CMSS1: variants seen among roughly 807,000 people sequenced by gnomAD.
CMSS1 encodes cms1 ribosomal small subunit homolog.
CMSS1 carries 33 observed loss-of-function variants against 43.5 expected under a neutral mutation model. The ratio of observed to expected loss-of-function variants is 0.76; its 90% CI spans 0.57 to 1.01. The LOEUF (loss-of-function observed/expected upper bound fraction) is 1.01. CMSS1 is among the 50% of genes least tolerant of loss of function. CMSS1 has a pLI of 0.00. For synonymous variants in CMSS1, 115 were observed against 117.2 expected (o/e 0.98, Z 0.12); for missense variants, 313 against 326.4 (o/e 0.96, Z 0.32).
chr3:100,066,678 C>T (rs2065670764), intron 1 of CMSS1, among the ~76,000 whole-genome samples: 1 of 131,346 alleles, frequency 7.6e-6, no homozygotes, highest in South Asian at 2.7e-4. Context: ...ACTACAGGCG[C>T]CCGCCACTAC....
intron 1 of CMSS1, among the ~76,000 whole-genome samples, chr3:99,959,570 T>C (rs1708433654): frequency 6.6e-6 from 1 of 152,246 alleles, no homozygotes; most frequent in Non-Finnish European, 1.5e-5. Context: ...TTTCTGAGCC[T>C]TAGTTTTCCA....
At chr3:99,879,243 A>G (rs752376213) in intron 1 of CMSS1, among the ~76,000 whole-genome samples, 18 of 152,180 alleles carry the variant, frequency 1.2e-4, no homozygotes, top group Non-Finnish European at 2.4e-4. Context: ...AGGGGTTTGT[A>G]GGTAACAAGG....
intron 1 of CMSS1, among the ~76,000 whole-genome samples, chr3:100,108,774 G>A (rs2066435875): frequency 6.6e-6 from 1 of 152,086 alleles, no homozygotes; most frequent in Admixed American, 6.6e-5. Context: ...ACATGGCTTG[G>A]GTCTTCTTTT....
chr3:100,125,990 C>T (rs1346255627), intron 1 of CMSS1, among the ~76,000 whole-genome samples: 1 of 152,050 alleles, frequency 6.6e-6, no homozygotes, highest in Non-Finnish European at 1.5e-5. Flanking sequence ...TAATATTTGC[C>T]ACCAAGTTAA....
intron 2 of CMSS1, among the ~76,000 whole-genome samples, chr3:100,156,343 C>T (rs909993274): frequency 8.7e-6 from 1 of 114,554 alleles, no homozygotes; most frequent in African/African-American, 3.4e-5. Context: ...GAGTTCGGCT[C>T]TGTCACCCAG....
intron 1 of CMSS1, among the ~76,000 whole-genome samples, chr3:100,145,951 G>C (rs1336770966): frequency 1.3e-5 from 2 of 152,202 alleles, no homozygotes; most frequent in African/African-American, 4.8e-5. Flanking sequence ...ACATAAGATT[G>C]ACCATCACAG....
intron 1 of CMSS1, among the ~76,000 whole-genome samples, chr3:99,947,137 CAAAAA>C (rs397829321): frequency 2.3e-5 from 2 of 88,806 alleles, no homozygotes; most frequent in South Asian, 4.5e-4. Flanking sequence ...GACTCTGTCT[CAAAAA>C]AAAAAAAAAA....
At chr3:99,943,420 C>T (rs1175439203) in intron 1 of CMSS1, among the ~76,000 whole-genome samples, 1 of 152,086 alleles carries the variant, frequency 6.6e-6, no homozygotes, top group East Asian at 1.9e-4. Flanking sequence ...AATGTTAAAT[C>T]TTGCCGGGTA....
rs879394535 is a variant in CMSS1 at position 99,847,347 on chromosome 3, C to CT, written c.64+29317dup. ...GAAAAAGAAACAAGAATGACATTTT[C>CT]TTTTTTTTTTTTTGCTTTGAAGTAG... On this transcript the variant is annotated intron_variant, in intron 1 of 9. Coordinates refer to ENST00000421999, the MANE Select transcript of CMSS1 (RefSeq NM_032359.4). Among the ~76,000 whole-genome samples the CT allele has an allele frequency of 6.9e-3, 947 of 136,608 alleles. 8 individuals carry two copies. Among genetic ancestry groups the CT allele is most frequent in the African/African-American group, 0.019 (702 of 37,454 alleles). The allele number at this position is 136,608 out of a possible 152,430, so 89.6% of individuals were successfully genotyped here.
chr3:100,030,774 C>T (rs1415058514), intron 1 of CMSS1, among the ~76,000 whole-genome samples: 1 of 152,068 alleles, frequency 6.6e-6, no homozygotes, highest in Non-Finnish European at 1.5e-5. Flanking sequence ...GAAATCAATC[C>T]GTTTTCCCTC....
chr3:99,976,446 C>A (rs1708974539), intron 1 of CMSS1, among the ~76,000 whole-genome samples: 1 of 152,092 alleles, frequency 6.6e-6, no homozygotes, highest in Non-Finnish European at 1.5e-5. Context: ...ACAGTAACCC[C>A]CCAAGAGAAT....
At chr3:99,984,873 A>C (rs1164985531) in intron 1 of CMSS1, among the ~76,000 whole-genome samples, 10 of 152,264 alleles carry the variant, frequency 6.6e-5, no homozygotes, top group Non-Finnish European at 1.3e-4. Context: ...CACAGTATAT[A>C]GATATTAACA....
intron 1 of CMSS1, among the ~76,000 whole-genome samples, chr3:100,146,259 G>T (rs2066848701): frequency 6.6e-6 from 1 of 152,154 alleles, no homozygotes; most frequent in South Asian, 2.1e-4. Flanking sequence ...TGATTCTTAG[G>T]GTAAGAATTT....
intron 1 of CMSS1, among the ~76,000 whole-genome samples, chr3:100,014,897 T>TTC (rs1412068845): frequency 1.2e-3 from 121 of 101,068 alleles, no homozygotes; most frequent in East Asian, 1.7e-3. Flanking sequence ...CTTTCTTTCT[T>TTC]TTTTTTTTTT....
chr3:100,038,932 A>G (rs1054874439), intron 1 of CMSS1, among the ~76,000 whole-genome samples: 35 of 152,322 alleles, frequency 2.3e-4, no homozygotes, highest in Non-Finnish European at 3.4e-4. Context: ...ATGAACGTAC[A>G]TGTTTGTCTG....
intron 1 of CMSS1, among the ~76,000 whole-genome samples, chr3:100,071,503 T>TGC (rs1445096730): frequency 1.3e-5 from 2 of 152,086 alleles, no homozygotes; most frequent in African/African-American, 4.8e-5. Context: ...TTCACTAAAA[T>TGC]TTACATGGGA....
intron 1 of CMSS1, chr3:99,898,057 A>T (rs1457036118): frequency 2.6e-5 from 4 of 152,136 alleles, no homozygotes; most frequent in Non-Finnish European, 4.4e-5. Context: ...AGTCGTCAGA[A>T]TGTATTTATT....
At chr3:100,087,352 C>A (rs976844708) in intron 1 of CMSS1, among the ~76,000 whole-genome samples, 4 of 152,202 alleles carry the variant, frequency 2.6e-5, no homozygotes, top group African/African-American at 9.7e-5. Flanking sequence ...AGCAACCTCA[C>A]CAGCAATTGG....
chr3:99,982,752 T>G (rs1709165136), intron 1 of CMSS1, among the ~76,000 whole-genome samples: 1 of 152,194 alleles, frequency 6.6e-6, no homozygotes, highest in Non-Finnish European at 1.5e-5. Context: ...TATATAGTAT[T>G]TCATAGAATG....
Sources: gnomAD v4.1 joint callset for allele counts (sites outside exome capture counted in the v4.1 genomes callset) on GRCh38, gnomAD v4.1.1 for gene constraint, MANE v1.5 for transcripts, NCBI Gene and HGNC (gene_info 2026-07-23, HGNC 2026-07-21) for gene names.